LRP6: variants seen among roughly 807,000 people sequenced by gnomAD.
LRP6 encodes low-density lipoprotein receptor-related protein 6.
Under a neutral mutation model 184.1 loss-of-function variants are expected in LRP6, and 43 were observed. The ratio of observed to expected loss-of-function variants is 0.23; its 90% CI spans 0.18 to 0.30. LRP6 has a LOEUF of 0.30. Among genes scored for constraint, LRP6 ranks in the 10% least tolerant of loss-of-function variants. The pLI, the probability that LRP6 is intolerant of heterozygous loss-of-function variation, is 1.00. For synonymous variants in LRP6, 719 were observed against 684.9 expected, an observed-to-expected ratio of 1.05 and a Z score of -0.78; for missense variants, 1,571 against 2,005.3, an observed-to-expected ratio of 0.78 and a Z score of 4.14.
At chr12:12,186,874 T>C (rs773932771) in intron 4 of LRP6, 49 bp downstream of exon 4, 8 of 1,480,402 alleles carry the variant, frequency 5.4e-6, no homozygotes, top group Non-Finnish European at 7.6e-6. Flanking sequence ...GACATTAGAG[T>C]GCTACAAAGC....
chr12:12,235,344 A>T lies in LRP6; in HGVS notation c.449+8918T>A, dbSNP rs866308209. Among the ~76,000 whole-genome samples, 5 of 152,348 alleles carry T rather than the reference A, an allele frequency of 3.3e-5. No individual in the cohort carries two copies. The South Asian group carries it at 1.0e-3, about 32-fold the overall frequency. ...CGATAACATGAATTTGTTTTTACGT[A>T]TAGCAAAGACACAGAACTAGGGGTA... On this transcript the variant is annotated intron_variant, in intron 2 of 22. Coordinates refer to ENST00000261349, the MANE Select transcript of LRP6 (RefSeq NM_002336.3).
At chr12:12,204,162 A>G (rs75233085) in intron 2 of LRP6, among the ~76,000 whole-genome samples, 2,563 of 151,842 alleles carry the variant, frequency 0.017, 76 homozygotes, top group African/African-American at 0.058. Context: ...TCTCTTGCAT[A>G]TTATTCCTGC....
At chr12:12,123,633 T>C (rs1236464338) in intron 22 of LRP6, among the ~76,000 whole-genome samples, 1 of 152,120 alleles carries the variant, frequency 6.6e-6, no homozygotes, top group Non-Finnish European at 1.5e-5. Context: ...CTCAAGCTAC[T>C]GATGGTCTGT....
intron 7 of LRP6, among the ~76,000 whole-genome samples, chr12:12,175,426 A>G (rs1294610919): frequency 6.6e-6 from 1 of 150,814 alleles, no homozygotes; most frequent in African/African-American, 2.4e-5. Context: ...ACAGTAGCTC[A>G]TGCCTGTAAT....
chr12:12,206,662 C>G (rs1864066634), intron 2 of LRP6, among the ~76,000 whole-genome samples: 1 of 152,052 alleles, frequency 6.6e-6, no homozygotes, highest in Admixed American at 6.6e-5. Context: ...AATCCTAGCA[C>G]TTTGGCAGGC....
At chr12:12,185,064 G>A (rs1244404121) in intron 4 of LRP6, among the ~76,000 whole-genome samples, 1 of 152,162 alleles carries the variant, frequency 6.6e-6, no homozygotes, top group East Asian at 1.9e-4. Flanking sequence ...GGAGGCCTAG[G>A]TGCGTGGATC....
chr12:12,148,869 ATAAC>A (rs748860613), intron 14 of LRP6, 69 bp downstream of exon 14: 159 of 1,079,732 alleles, frequency 1.5e-4, no homozygotes, highest in Non-Finnish European at 2.2e-4. Context: ...AGGTAAATAA[ATAAC>A]AGGCTGAAAA....
chr12:12,133,699 G>T (rs1591870176), intron 17 of LRP6, among the ~76,000 whole-genome samples: 1 of 151,810 alleles, frequency 6.6e-6, no homozygotes, highest in African/African-American at 2.4e-5. Flanking sequence ...CAAGAAAAAA[G>T]GCCCTTTAAA....
At position 12,124,570 on chromosome 12, in the gene LRP6, T is replaced by C. The variant is rs1225969189; in HGVS notation, c.4542A>G (p.Ser1514=). 6.2e-7 allele frequency: 1 copy of C among 1,602,602 alleles called. No homozygotes were observed. Among genetic ancestry groups the C allele is most frequent in the Non-Finnish European group, 8.6e-7 (1 of 1,169,518 alleles). ...YSSNSPSTHR[S]YSYRPYSYRH... ...TAGAGAAGGATGTGTATTACCTGTATGACCTATGAGTGGAAGGACTGTTTG... is the reference window on the plus strand; with the variant it reads ...TAGAGAAGGATGTGTATTACCTGTACGACCTATGAGTGGAAGGACTGTTTG... Residue 1514 remains serine, a synonymous_variant, in exon 22 of 23, where the codon TCA becomes TCG. Coordinates refer to ENST00000261349, the MANE Select transcript of LRP6 (RefSeq NM_002336.3).
chr12:12,184,964 T>C (rs1277961168), intron 4 of LRP6, among the ~76,000 whole-genome samples: 12 of 152,168 alleles, frequency 7.9e-5, no homozygotes, highest in Admixed American at 3.9e-4. Flanking sequence ...AATTCTCAAA[T>C]TAGTAAAACA....
Position 12,126,917 on chromosome 12 carries a change from C to T in LRP6, c.4086G>A (p.Pro1362=), listed in dbSNP as rs752457506. 14 of 1,611,788 alleles carry T rather than the reference C, an allele frequency of 8.7e-6. No homozygotes were observed. Among genetic ancestry groups the T allele is most frequent in the Admixed American group, 3.3e-5 (2 of 59,980 alleles). The change falls in exon 20 of 23, where the codon CCG becomes CCA. Residue 1362 remains proline, a synonymous_variant. Transcript: ENST00000261349. ...SDKSDELDCY[P]TEEPAPQATN... ...TGGCCTGTGGTGCTGGTTCTTCAGT[C>T]GGATCTACAATGAAGAATGCAGTAT...
chr12:12,247,044 T>C (rs1021485314), intron 1 of LRP6, among the ~76,000 whole-genome samples: 1 of 152,182 alleles, frequency 6.6e-6, no homozygotes, highest in Non-Finnish European at 1.5e-5. Flanking sequence ...ATCAGCAAAT[T>C]CATAAACTTC....
At chr12:12,140,837 C>T (rs988359378) in intron 15 of LRP6, among the ~76,000 whole-genome samples, 39 of 152,080 alleles carry the variant, frequency 2.6e-4, no homozygotes, top group South Asian at 2.1e-4. Flanking sequence ...CTCCTGACCT[C>T]ATGATCTGCC....
At chr12:12,253,235 G>A (rs2135933596) in intron 1 of LRP6, among the ~76,000 whole-genome samples, 1 of 152,326 alleles carries the variant, frequency 6.6e-6, no homozygotes, top group East Asian at 1.9e-4. Flanking sequence ...CTGAACTCCA[G>A]CCTGGGCAAC....
intron 7 of LRP6, 26 bp from the exon 8 acceptor site, chr12:12,165,321 G>T: frequency 6.7e-7 from 1 of 1,489,036 alleles, no homozygotes; most frequent in Non-Finnish European, 9.4e-7. Context: ...CAAAAGAGAA[G>T]GGGATGAATT....
At chr12:12,251,454 C>G (rs559259261) in intron 1 of LRP6, among the ~76,000 whole-genome samples, 3 of 152,074 alleles carry the variant, frequency 2.0e-5, no homozygotes, top group Admixed American at 6.6e-5. Flanking sequence ...AGCACCACCT[C>G]CCGGGTTCAT....
intron 1 of LRP6, among the ~76,000 whole-genome samples, chr12:12,261,402 C>CAAAA (rs36054178): frequency 9.0e-6 from 1 of 111,724 alleles, no homozygotes; most frequent in Non-Finnish European, 1.8e-5. Flanking sequence ...GACTCCGTCT[C>CAAAA]AAAAAAAAAA....
intron 2 of LRP6, among the ~76,000 whole-genome samples, chr12:12,234,368 T>C (rs1044364997): frequency 6.6e-6 from 1 of 151,700 alleles, no homozygotes; most frequent in Non-Finnish European, 1.5e-5. Context: ...AAGAATCACT[T>C]GGACCCGGAA....
In LRP6 at chr12:12,126,757, G is replaced by C. The variant is rs754149357; in HGVS notation, c.4246C>G (p.His1416Asp). Residue 1416 changes from histidine (H) to aspartate (D), a missense_variant, in exon 20 of 23, where the codon CAT becomes GAT. Transcript: ENST00000261349. ...GETMTNDYVV[H>D]GPASVPLGYV... The stretch of plus-strand genomic sequence containing the variant: ...CCAAGAGGCACAGAAGCTGGTCCAT[G>C]AACTACATAGTCATTAGTCATAGTT... 1.2e-6 allele frequency: 2 copies of C among 1,614,090 alleles called. No homozygotes were observed.
Sources: gnomAD v4.1 joint callset for allele counts (sites outside exome capture counted in the v4.1 genomes callset) on GRCh38, gnomAD v4.1.1 for gene constraint, MANE v1.5 for transcripts, NCBI Gene and HGNC (gene_info 2026-07-23, HGNC 2026-07-21) for gene names.